EYS: variants seen among roughly 807,000 people sequenced by gnomAD.
EYS encodes the protein protein eyes shut homolog.
A neutral mutation model predicts 282.1 loss-of-function variants in EYS; 250 were observed. The observed-to-expected ratio is 0.89, with a 90% confidence interval of 0.80 to 0.98. EYS has a LOEUF of 0.98. Among genes scored for constraint, EYS ranks in the 50% least tolerant of loss-of-function variants. The pLI is 0.00. For synonymous variants in EYS, 1,355 were observed against 1,282.9 expected (o/e 1.06, Z -1.20); for missense variants, 4,016 against 3,709.0 (o/e 1.08, Z -2.15).
intron 26 of EYS, among the ~76,000 whole-genome samples, chr6:64,549,733 C>CTT (rs10534314): frequency 1.3e-3 from 178 of 140,706 alleles, no homozygotes; most frequent in Middle Eastern, 3.8e-3. Flanking sequence ...CACATGAAAT[C>CTT]TTTTTTTTTT....
At chr6:65,262,731 A>C (rs1767652391) in intron 12 of EYS, among the ~76,000 whole-genome samples, 1 of 152,168 alleles carries the variant, frequency 6.6e-6, no homozygotes, top group South Asian at 2.1e-4. Context: ...TTTAAAGTAC[A>C]CATTGTGTGT....
intron 41 of EYS, among the ~76,000 whole-genome samples, chr6:63,735,701 A>T (rs776934243): frequency 1.3e-5 from 2 of 152,066 alleles, no homozygotes; most frequent in Non-Finnish European, 2.9e-5. Context: ...AATCCAATCC[A>T]TAGGCATGAT....
chr6:64,237,290 C>G (rs923577203), intron 30 of EYS, among the ~76,000 whole-genome samples: 3 of 152,196 alleles, frequency 2.0e-5, no homozygotes, highest in African/African-American at 7.2e-5. Flanking sequence ...TGGAGTCACA[C>G]AGGGCAGACC....
intron 35 of EYS, among the ~76,000 whole-genome samples, chr6:63,891,619 T>A (rs1432030999): frequency 1.3e-5 from 2 of 151,888 alleles, no homozygotes; most frequent in Non-Finnish European, 2.9e-5. Context: ...GACAAACCCA[T>A]GGCCAATCAT....
At chr6:64,500,149 C>A (rs1024189512) in intron 26 of EYS, among the ~76,000 whole-genome samples, 1 of 152,048 alleles carries the variant, frequency 6.6e-6, no homozygotes, top group Admixed American at 6.5e-5. Context: ...ATTCCCTCCC[C>A]TGCCCCAGAA....
At chr6:64,541,488 T>C (rs1764694662) in intron 26 of EYS, among the ~76,000 whole-genome samples, 1 of 152,206 alleles carries the variant, frequency 6.6e-6, no homozygotes, top group Non-Finnish European at 1.5e-5. Flanking sequence ...ACCACTACTG[T>C]GCTCTTAACT....
chr6:65,251,571 A>G (rs1327473989), intron 12 of EYS, among the ~76,000 whole-genome samples: 1 of 152,036 alleles, frequency 6.6e-6, no homozygotes, highest in African/African-American at 2.4e-5. Context: ...AGATGGAATA[A>G]TGACATTCCA....
chr6:64,516,599 A>C (rs370453708), intron 26 of EYS, among the ~76,000 whole-genome samples: 1 of 151,154 alleles, frequency 6.6e-6, no homozygotes, highest in Non-Finnish European at 1.5e-5. Flanking sequence ...TCTGAAGTTG[A>C]GTCAGTCCTA....
intron 2 of EYS, among the ~76,000 whole-genome samples, chr6:65,588,695 C>A (rs1236659595): frequency 6.6e-6 from 1 of 151,996 alleles, no homozygotes; most frequent in Non-Finnish European, 1.5e-5. Flanking sequence ...CTCTGGGAAG[C>A]CTTTCAGAGA....
chr6:65,616,129 T>C (rs1181850038), intron 2 of EYS, among the ~76,000 whole-genome samples: 1 of 152,078 alleles, frequency 6.6e-6, no homozygotes, highest in Non-Finnish European at 1.5e-5. Flanking sequence ...TATATTTTAG[T>C]ATAATGGAAG....
intron 26 of EYS, 52 bp downstream of exon 26, chr6:64,590,171 A>G: frequency 7.0e-7 from 1 of 1,429,736 alleles, no homozygotes; most frequent in Non-Finnish European, 9.3e-7. Context: ...TCTTCTCTGT[A>G]GAAAAGAAAC....
At chr6:64,609,623 C>G (rs1185063943) in intron 24 of EYS, among the ~76,000 whole-genome samples, 1 of 149,580 alleles carries the variant, frequency 6.7e-6, no homozygotes, top group Non-Finnish European at 1.5e-5. Flanking sequence ...GTGGCTCATG[C>G]CTATAATCCC....
chr6:64,727,326 C>T (rs1269976534), intron 22 of EYS, among the ~76,000 whole-genome samples: 1 of 152,106 alleles, frequency 6.6e-6, no homozygotes, highest in Admixed American at 6.5e-5. Flanking sequence ...TTCTCACTTG[C>T]ACAAAGCATG....
intron 14 of EYS, among the ~76,000 whole-genome samples, chr6:64,978,333 A>G (rs1770539118): frequency 6.6e-6 from 1 of 151,966 alleles, no homozygotes; most frequent in South Asian, 2.1e-4. Flanking sequence ...CAAAGCCTGG[A>G]TAACAGCACA....
chr6:64,058,285 A>T (rs1277036351), intron 33 of EYS, among the ~76,000 whole-genome samples: 1 of 151,426 alleles, frequency 6.6e-6, no homozygotes, highest in Non-Finnish European at 1.5e-5. Context: ...AAAAAAAAAT[A>T]GAATGGTCTA....
intron 19 of EYS, among the ~76,000 whole-genome samples, chr6:64,871,846 C>T (rs1201262466): frequency 6.6e-6 from 1 of 151,968 alleles, no homozygotes; most frequent in Non-Finnish European, 1.5e-5. Flanking sequence ...TAAAGGTTAA[C>T]AGGGTCTTTC....
intron 19 of EYS, among the ~76,000 whole-genome samples, chr6:64,864,758 A>T (rs1460869942): frequency 6.6e-6 from 1 of 151,594 alleles, no homozygotes; most frequent in Non-Finnish European, 1.5e-5. Context: ...ATAATGGGGC[A>T]GGCGCAGTGG....
At chr6:64,609,862 G>T (rs949625687) in intron 24 of EYS, among the ~76,000 whole-genome samples, 11 of 151,686 alleles carry the variant, frequency 7.3e-5, no homozygotes, top group African/African-American at 2.2e-4. Flanking sequence ...CCTCCAGCCT[G>T]GGCAGCAGAG....
chr6:63,892,578 C>T (rs1225867500), intron 35 of EYS, among the ~76,000 whole-genome samples: 5 of 152,114 alleles, frequency 3.3e-5, no homozygotes, highest in African/African-American at 9.7e-5. Flanking sequence ...CAAAAATCAA[C>T]TCAAAATGAA....
Sources: gnomAD v4.1 joint callset for allele counts (sites outside exome capture counted in the v4.1 genomes callset) on GRCh38, gnomAD v4.1.1 for gene constraint, MANE v1.5 for transcripts, NCBI Gene and HGNC (gene_info 2026-07-23, HGNC 2026-07-21) for gene names.